Variants in COBL observed in about 807,000 individuals in gnomAD.
COBL encodes cordon-bleu WH2 repeat protein.
Under a neutral mutation model 98.8 loss-of-function variants are expected in COBL, and 51 were observed. That is an observed-to-expected ratio of 0.52 (90% CI 0.41 to 0.65). COBL has a LOEUF of 0.65. COBL is among the 30% of genes least tolerant of loss of function. COBL has a pLI of 0.00. For missense variants in COBL, 1,617 were observed against 1,617.5 expected (o/e 1.00, Z 0.01); for synonymous variants, 634 against 651.7 (o/e 0.97, Z 0.41).
At chr7:51,087,853 C>T (rs1334415564) in intron 6 of COBL, among the ~76,000 whole-genome samples, 1 of 147,760 alleles carries the variant, frequency 6.8e-6, no homozygotes, top group Non-Finnish European at 1.5e-5. Context: ...ACACAAGATG[C>T]GTATGAGGAA....
chr7:51,237,171 C>T, intron 1 of COBL, among the ~76,000 whole-genome samples: 1 of 152,168 alleles, frequency 6.6e-6, no homozygotes. Flanking sequence ...CCCCAGACTC[C>T]AGATCTGCCA....
At chr7:51,018,161 T>C (rs769529820) in intron 12 of COBL, among the ~76,000 whole-genome samples, 6 of 152,098 alleles carry the variant, frequency 3.9e-5, no homozygotes, top group African/African-American at 9.6e-5. Context: ...GTGGTGGTGG[T>C]GGCAGTGGTA....
At chr7:51,103,301 G>C (rs891610726) in intron 6 of COBL, among the ~76,000 whole-genome samples, 3 of 152,168 alleles carry the variant, frequency 2.0e-5, no homozygotes, top group African/African-American at 7.2e-5. Flanking sequence ...TTGTGTGTGA[G>C]AAAGAGAGAG....
chr7:51,030,138 T>C lies in COBL; in HGVS notation c.1505-547A>G, dbSNP rs1411991851. Among the ~76,000 whole-genome samples, 8 of 152,326 alleles carry C rather than the reference T, an allele frequency of 5.3e-5. No individual in the cohort carries two copies. In the East Asian group the frequency reaches 1.4e-3, roughly 26 times the overall value. On this transcript the variant is annotated intron_variant, in intron 9 of 12. Transcript: ENST00000265136. ...TTCAAATTTTTAGCTCTGTCAACTA[T>C]ACATTCTCAGGACAGGAAACTGAAA...
chr7:51,076,851 C>T (rs745844393), intron 7 of COBL, among the ~76,000 whole-genome samples: 1 of 152,104 alleles, frequency 6.6e-6, no homozygotes, highest in Non-Finnish European at 1.5e-5. Context: ...AAGAAAATGA[C>T]AGTCACTGAA....
chr7:51,091,209 G>T (rs1794781203), intron 6 of COBL, among the ~76,000 whole-genome samples: 1 of 152,042 alleles, frequency 6.6e-6, no homozygotes, highest in South Asian at 2.1e-4. Flanking sequence ...ACAATAAATG[G>T]AAATCTATGG....
chr7:51,184,166 T>G lies in COBL; in HGVS notation c.719A>C (p.Glu240Ala). 3 of 1,567,626 alleles carry G rather than the reference T, an allele frequency of 1.9e-6. No individual in the cohort carries two copies. Among genetic ancestry groups the G allele is most frequent in the Non-Finnish European group, 2.6e-6 (3 of 1,156,022 alleles). ...TFRKSSLGND[E>A]TDKEKKKFLG... is the part of the protein sequence containing the mutation. ...AAATTTTTTCTTCTCTTTATCTGTCTCATCATTGCCAAGTGATGATTTCCT... is the reference window on the plus strand; with the variant it reads ...AAATTTTTTCTTCTCTTTATCTGTCGCATCATTGCCAAGTGATGATTTCCT... The change falls in exon 5 of 13, where the codon GAG (glutamate) becomes GCG (alanine). Residue 240 changes from glutamate to alanine, a missense_variant. By Grantham distance (107) the Glu-to-Ala change is moderately radical (BLOSUM62 -1). Transcript: ENST00000265136.
intron 7 of COBL, among the ~76,000 whole-genome samples, chr7:51,080,974 G>A (rs984029627): frequency 2.0e-5 from 3 of 152,240 alleles, no homozygotes; most frequent in Non-Finnish European, 4.4e-5. Flanking sequence ...TGCCTGCTTA[G>A]GCGGGGAATC....
At chr7:51,095,036 G>A (rs1372557854) in intron 6 of COBL, among the ~76,000 whole-genome samples, 2 of 152,164 alleles carry the variant, frequency 1.3e-5, no homozygotes, top group African/African-American at 2.4e-5. Context: ...ATCAAAGTCT[G>A]TGTATTAGTC....
intron 5 of COBL, chr7:51,172,666 T>G: frequency 2.8e-6 from 1 of 356,600 alleles, no homozygotes; most frequent in Non-Finnish European, 4.5e-6. Context: ...GTGTAATCTT[T>G]ACCACTTCTG....
intron 1 of COBL, among the ~76,000 whole-genome samples, chr7:51,255,372 C>G (rs1399999679): frequency 1.3e-5 from 2 of 152,170 alleles, no homozygotes; most frequent in East Asian, 3.9e-4. Flanking sequence ...CACAATGCAG[C>G]CCTTCCTATA....
intron 5 of COBL, among the ~76,000 whole-genome samples, chr7:51,147,749 T>A (rs1481321215): frequency 2.0e-5 from 3 of 150,642 alleles, no homozygotes; most frequent in Non-Finnish European, 4.4e-5. Context: ...TTGATTTTTC[T>A]TTTCTTTTTT....
rs77331840 is a variant in COBL at position 51,184,942 on chromosome 7, A to G, written c.686-743T>C. ...GGTGGTATTTGAAACAACTGCATCA[A>G]ATCTCCCAGGAACCACCTTTCCAGA... On this transcript the variant is annotated intron_variant, in intron 4 of 12. Transcript: ENST00000265136. 8.2e-3 allele frequency among the ~76,000 whole-genome samples: 1,252 copies of G among 152,306 alleles called. 65 individuals carry two copies. In the South Asian group the frequency reaches 0.14, roughly 17 times the overall value.
chr7:51,288,422 CA>C (rs71021764), intron 1 of COBL, among the ~76,000 whole-genome samples: 113 of 102,726 alleles, frequency 1.1e-3, no homozygotes, highest in Admixed American at 1.2e-3. Context: ...CAACAGTCTC[CA>C]AAAAAAAAAA....
At chr7:51,070,889 G>A (rs1395157789) in intron 7 of COBL, 1 of 152,106 alleles carries the variant, frequency 6.6e-6, no homozygotes, top group African/African-American at 2.4e-5. Context: ...CATATGAAAA[G>A]GTCAACAGTA....
At chr7:51,299,748 G>A (rs1198332013) in intron 1 of COBL, among the ~76,000 whole-genome samples, 1 of 152,146 alleles carries the variant, frequency 6.6e-6, no homozygotes, top group Non-Finnish European at 1.5e-5. Context: ...CTTCAAGAAA[G>A]TGACAGTAAC....
intron 8 of COBL, among the ~76,000 whole-genome samples, chr7:51,038,802 C>T (rs1416201575): frequency 1.3e-5 from 2 of 152,236 alleles, no homozygotes; most frequent in Non-Finnish European, 2.9e-5. Flanking sequence ...CACTCTCAGC[C>T]TAGAGGCCTG....
At chr7:51,247,261 C>G (rs1796342721) in intron 1 of COBL, among the ~76,000 whole-genome samples, 1 of 152,122 alleles carries the variant, frequency 6.6e-6, no homozygotes, top group Non-Finnish European at 1.5e-5. Context: ...CTTGGAGTCT[C>G]TCTTCTTTCG....
At chr7:51,216,618 A>C (rs898654428) in intron 2 of COBL, among the ~76,000 whole-genome samples, 1 of 152,142 alleles carries the variant, frequency 6.6e-6, no homozygotes, top group Non-Finnish European at 1.5e-5. Flanking sequence ...CTCATGTCTT[A>C]ATCTGTAAGA....
Sources: allele counts gnomAD v4.1 joint callset (sites outside exome capture counted in the v4.1 genomes callset), GRCh38; gene constraint gnomAD v4.1.1; transcripts MANE v1.5; gene names NCBI Gene and HGNC (gene_info 2026-07-23, HGNC 2026-07-21).